The following AGFG1 variants were observed in gnomAD, a reference collection of about 807,000 sequenced individuals.
AGFG1 encodes arf-GAP domain and FG repeat-containing protein 1.
A neutral mutation model predicts 60.6 loss-of-function variants in AGFG1; 10 were observed. The observed-to-expected ratio is 0.16, with a 90% CI of 0.10 to 0.28. AGFG1 has a LOEUF of 0.28. Among genes scored for constraint, AGFG1 ranks in the 10% least tolerant of loss-of-function variants. The pLI, the probability that AGFG1 is intolerant of heterozygous loss-of-function variation, is 1.00. For synonymous variants in AGFG1, 247 were observed against 242.9 expected, an observed-to-expected ratio of 1.02 and a Z score of -0.16; for missense variants, 537 against 676.5, an observed-to-expected ratio of 0.79 and a Z score of 2.29.
chr2:227,496,955 T>A (rs1690990937), intron 2 of AGFG1, among the ~76,000 whole-genome samples: 1 of 152,202 alleles, frequency 6.6e-6, no homozygotes, highest in Non-Finnish European at 1.5e-5. Flanking sequence ...TTAATAATAA[T>A]GAAAATTGAT....
At position 227,558,155 on chromosome 2, in the gene AGFG1, G is replaced by T. The variant is rs1400300235; in HGVS notation, c.*3660G>T. ...TCATATTTCATCTCTTACAATCCCTGCAGTGGACCTATACTTTTAGGATGA... is the reference window on the plus strand; with the variant it reads ...TCATATTTCATCTCTTACAATCCCTTCAGTGGACCTATACTTTTAGGATGA... On this transcript the variant is annotated 3_prime_UTR_variant, in exon 13 of 13. Transcript: ENST00000310078. The T allele has an allele frequency of 6.6e-6, 1 of 152,158 alleles. No individual in the cohort carries two copies. The highest frequency in any genetic ancestry group is 1.5e-5 in the Non-Finnish European group (1 of 68,028). The allele number at this position is 152,158 out of a possible 1,614,324, so 9.4% of individuals were successfully genotyped here. A position where few individuals can be genotyped will look rare whatever the true frequency, so the allele number is the denominator to read the frequency against.
At chr2:227,473,848 T>C (rs1429651128) in intron 1 of AGFG1, among the ~76,000 whole-genome samples, 1 of 152,246 alleles carries the variant, frequency 6.6e-6, no homozygotes, top group Non-Finnish European at 1.5e-5. Flanking sequence ...ATGAGTGTTA[T>C]TTCTTCAGCA....
chr2:227,514,332 C>G (rs888522839), intron 2 of AGFG1, among the ~76,000 whole-genome samples: 3 of 150,078 alleles, frequency 2.0e-5, no homozygotes, highest in African/African-American at 7.6e-5. Context: ...CTGCCTCAGC[C>G]TTCTGAGTAG....
At chr2:227,500,198 T>C (rs1028726943) in intron 2 of AGFG1, among the ~76,000 whole-genome samples, 4 of 152,222 alleles carry the variant, frequency 2.6e-5, no homozygotes, top group African/African-American at 9.6e-5. Flanking sequence ...AGGCCATGCC[T>C]GCAAGAACTT....
chr2:227,478,955 T>C (rs1055971786), intron 1 of AGFG1, among the ~76,000 whole-genome samples: 1 of 152,224 alleles, frequency 6.6e-6, no homozygotes, highest in African/African-American at 2.4e-5. Context: ...TTGTTTTACA[T>C]GACATTCACT....
At chr2:227,551,445 G>A (rs983563807) in intron 10 of AGFG1, among the ~76,000 whole-genome samples, 2 of 152,080 alleles carry the variant, frequency 1.3e-5, no homozygotes, top group South Asian at 4.1e-4. Flanking sequence ...TGAGTGGTCT[G>A]CCTGTAACTA....
Position 227,533,691 on chromosome 2 carries a change from T to C in AGFG1, c.957T>C (p.Ala319=). The C allele has an allele frequency of 1.9e-6, 3 of 1,613,882 alleles. No individual in the cohort carries two copies. Among genetic ancestry groups the C allele is most frequent in the Non-Finnish European group, 2.5e-6 (3 of 1,179,836 alleles). The change falls in exon 7 of 13, where the codon GCT becomes GCC. Residue 319 remains alanine (A), a synonymous_variant. Transcript: ENST00000310078. ...SAVSKVSTNK[A]GLQTADKYAA... is the part of the protein sequence containing the mutation. Reference sequence around the variant, plus strand: ...TTAGTAAAGTTTCAACGAACAAAGCTGGTTTACAGACTGCAGACAAATATG... The same window carrying C: ...TTAGTAAAGTTTCAACGAACAAAGCCGGTTTACAGACTGCAGACAAATATG...
Position 227,531,079 on chromosome 2 carries a change from T to A in AGFG1, c.695-12T>A. On this transcript the variant is annotated splice_polypyrimidine_tract_variant and intron_variant, in intron 5 of 12. Transcript: ENST00000310078. ...ATATTCATTAACATATGTTGTTCCT[T>A]ACCATTTACAGCTCAGAATTCTGCA... The A allele has an allele frequency of 6.2e-7, 1 of 1,607,582 alleles. No homozygotes were observed. The highest frequency in any genetic ancestry group is 1.1e-5 in the South Asian group (1 of 89,978).
chr2:227,493,739 G>A (rs187736936), intron 2 of AGFG1, among the ~76,000 whole-genome samples: 11 of 152,294 alleles, frequency 7.2e-5, no homozygotes, highest in Non-Finnish European at 1.2e-4. Flanking sequence ...GTGTTACACC[G>A]GCTTAGTGGA....
At chr2:227,491,373 A>T (rs1195130654) in intron 1 of AGFG1, among the ~76,000 whole-genome samples, 174 bp from the exon 2 acceptor site, 2 of 152,158 alleles carry the variant, frequency 1.3e-5, no homozygotes, top group Admixed American at 1.3e-4. Context: ...ACCAAACCTT[A>T]ATATCTATTA....
rs561420494 is a variant in AGFG1, at chr2:227,482,407, T to A, written c.168-9140T>A. ...CGAATATTTTGGACTAGCCAACATATACGGTGTCTTGGCATCAATAGTTTG... is the reference window on the plus strand; with the variant it reads ...CGAATATTTTGGACTAGCCAACATAAACGGTGTCTTGGCATCAATAGTTTG... On this transcript the variant is annotated intron_variant, in intron 1 of 12. Transcript: ENST00000310078. 2.2e-4 allele frequency among the ~76,000 whole-genome samples: 34 copies of A among 152,334 alleles called. No homozygotes were observed. In the South Asian group the frequency reaches 3.9e-3, roughly 18 times the overall value.
chr2:227,497,033 G>C (rs1296311845), intron 2 of AGFG1, among the ~76,000 whole-genome samples: 2 of 152,052 alleles, frequency 1.3e-5, no homozygotes. Flanking sequence ...ATTAATTCAG[G>C]ATTTACAGCT....
rs540207455 is a variant in AGFG1, at chr2:227,526,678, G to C, written c.694+1763G>C. ...CTGCCTCAGCCTCCTGAGTAACTGG[G>C]ATCACAGGCGCCCGCCACCACTCCC... On this transcript the variant is annotated intron_variant, in intron 5 of 12. Transcript: ENST00000310078. Among the ~76,000 whole-genome samples, 4 of 149,982 alleles carry C rather than the reference G, an allele frequency of 2.7e-5. No individual in the cohort carries two copies. In the South Asian group the frequency reaches 8.5e-4, roughly 32 times the overall value.
At chr2:227,481,209 C>G (rs1690451144) in intron 1 of AGFG1, among the ~76,000 whole-genome samples, 1 of 148,324 alleles carries the variant, frequency 6.7e-6, no homozygotes, top group Non-Finnish European at 1.5e-5. Context: ...GCCTGTGATG[C>G]CACTGTTCTG....
intron 2 of AGFG1, among the ~76,000 whole-genome samples, chr2:227,517,283 C>G (rs1691680852): frequency 6.6e-6 from 1 of 152,128 alleles, no homozygotes; most frequent in Non-Finnish European, 1.5e-5. Context: ...TATAGACAGA[C>G]AGACACGGAG....
chr2:227,504,263 G>A (rs1046899316), intron 2 of AGFG1, among the ~76,000 whole-genome samples: 3 of 151,660 alleles, frequency 2.0e-5, no homozygotes, highest in Non-Finnish European at 2.9e-5. Flanking sequence ...CTGGATCATG[G>A]CTTACTGCAG....
intron 8 of AGFG1, 65 bp from the exon 9 acceptor site, chr2:227,536,560 C>G: frequency 7.2e-7 from 1 of 1,379,794 alleles, no homozygotes. Context: ...TATGGCTACC[C>G]TGTAAATCGT....
At chr2:227,487,412 A>AG (rs1690675344) in intron 1 of AGFG1, among the ~76,000 whole-genome samples, 1 of 152,096 alleles carries the variant, frequency 6.6e-6, no homozygotes, top group Non-Finnish European at 1.5e-5. Flanking sequence ...GATTAAAAAA[A>AG]TTAGCTCTGA....
chr2:227,539,058 AAT>A (rs1692400584), intron 10 of AGFG1, among the ~76,000 whole-genome samples: 1 of 152,260 alleles, frequency 6.6e-6, no homozygotes, highest in African/African-American at 2.4e-5. Flanking sequence ...AAATATAAAC[AAT>A]ACTTCGACAG....
Sources: allele counts gnomAD v4.1 joint callset (sites outside exome capture counted in the v4.1 genomes callset), GRCh38; gene constraint gnomAD v4.1.1; transcripts MANE v1.5; gene names NCBI Gene and HGNC (gene_info 2026-07-23, HGNC 2026-07-21).